The following CPNE3 variants were observed in gnomAD, a reference collection of about 807,000 sequenced individuals.
CPNE3 encodes the protein copine 3, also known as copine-3.
A neutral mutation model predicts 63.9 loss-of-function variants in CPNE3; 68 were observed. The ratio of observed to expected loss-of-function variants is 1.06; its 90% CI spans 0.87 to 1.30. CPNE3 has a LOEUF of 1.30. Ranked by LOEUF, CPNE3 falls within the 50% of genes most tolerant of loss-of-function variation. The pLI is 0.00. For missense variants in CPNE3, 665 were observed against 578.1 expected (o/e 1.15, Z -1.54); for synonymous variants, 219 against 197.5 (o/e 1.11, Z -0.91).
At position 86,561,007 on chromosome 8, in the gene CPNE3, C is replaced by G. The variant is rs190294843; in HGVS notation, c.*2597C>G. 6.6e-6 allele frequency: 1 copy of G among 152,294 alleles called. No individual in the cohort carries two copies. The highest frequency in any genetic ancestry group is 1.5e-5 in the Non-Finnish European group (1 of 68,034). The allele number at this position is 152,294 out of a possible 1,614,324, so 9.4% of individuals were successfully genotyped here. On this transcript the variant is annotated 3_prime_UTR_variant, in exon 17 of 17. Transcript: ENST00000517490. Reference sequence around the variant, plus strand: ...ATAATATACCAGCTAATCTAGTCACCTAACCTTGTGGTTAGAATTGCAATT... The same window carrying G: ...ATAATATACCAGCTAATCTAGTCACGTAACCTTGTGGTTAGAATTGCAATT...
intron 12 of CPNE3, among the ~76,000 whole-genome samples, chr8:86,550,558 T>G (rs1016102): frequency 6.6e-6 from 1 of 151,998 alleles, no homozygotes; most frequent in African/African-American, 2.4e-5. Context: ...TGGCTATTCA[T>G]GTGATGTTAT....
At chr8:86,522,995 T>C (rs1820468121) in intron 2 of CPNE3, among the ~76,000 whole-genome samples, 1 of 152,214 alleles carries the variant, frequency 6.6e-6, no homozygotes, top group Non-Finnish European at 1.5e-5. Context: ...AAAATCATTA[T>C]TGTTTCAAGA....
At chr8:86,537,467 C>A in intron 6 of CPNE3, 96 bp from the exon 7 acceptor site, 1 of 764,054 alleles carries the variant, frequency 1.3e-6, no homozygotes, top group Non-Finnish European at 2.4e-6. Flanking sequence ...TAGAGTTAGA[C>A]TTCAGGTGGT....
chr8:86,522,548 C>CTTTTTTTTTTT lies in CPNE3; in HGVS notation c.-10-5969_-10-5959dup, dbSNP rs36073581. ...CAGCCATATTACCTGACGCCCGCTG[C>CTTTTTTTTTTT]TTTTTTTTTTTTTTTTTTTTTTTTT... is the stretch of plus-strand genomic sequence containing the variant. On this transcript the variant is annotated intron_variant, in intron 2 of 16. Transcript: ENST00000517490. Among the ~76,000 whole-genome samples, 208 of 82,172 alleles carry CTTTTTTTTTTT rather than the reference C, an allele frequency of 2.5e-3. 22 individuals carry two copies. The highest frequency in any genetic ancestry group is 3.8e-3 in the Non-Finnish European group (178 of 46,550). 53.9% of individuals were successfully genotyped at this position (82,172 alleles called of 152,430 possible).
At chr8:86,539,856 G>C (rs887880520) in intron 7 of CPNE3, among the ~76,000 whole-genome samples, 3 of 151,674 alleles carry the variant, frequency 2.0e-5, no homozygotes, top group Non-Finnish European at 2.9e-5. Context: ...GTAGAGACAG[G>C]TTTTCACCAT....
intron 14 of CPNE3, among the ~76,000 whole-genome samples, chr8:86,552,744 A>G (rs996393827): frequency 6.6e-6 from 1 of 151,750 alleles, no homozygotes; most frequent in African/African-American, 2.4e-5. Context: ...ATAACTTGTT[A>G]CTTTGATGCA....
At chr8:86,516,770 ACT>A (rs1451032121) in intron 2 of CPNE3, among the ~76,000 whole-genome samples, 1 of 151,658 alleles carries the variant, frequency 6.6e-6, no homozygotes, top group East Asian at 1.9e-4. Flanking sequence ...TTTTTTTCTT[ACT>A]ATTGTTAGAG....
In CPNE3 at chr8:86,517,413, G is replaced by A. The variant is rs1253044670; in HGVS notation, c.-11+1914G>A. On this transcript the variant is annotated intron_variant, in intron 2 of 16. Coordinates refer to ENST00000517490, the MANE Select transcript of CPNE3 (RefSeq NM_003909.5). ...AACTGTGTGGTTTTCTGGACACATT[G>A]TTATCCGGCTATTTCACCTTCCCTG... is the stretch of plus-strand genomic sequence containing the variant. Among the ~76,000 whole-genome samples the A allele has an allele frequency of 5.2e-4, 79 of 152,296 alleles. 1 individual carries two copies. The highest frequency in any genetic ancestry group is 4.8e-3 in the Admixed American group (74 of 15,290).
At chr8:86,549,483 C>T (rs1821124572) in intron 12 of CPNE3, among the ~76,000 whole-genome samples, 1 of 152,074 alleles carries the variant, frequency 6.6e-6, no homozygotes, top group Non-Finnish European at 1.5e-5. Context: ...GAAATAGACC[C>T]ATGCATATAA....
At position 86,559,756 on chromosome 8, in the gene CPNE3, A is replaced by C. The variant is rs1208726299; in HGVS notation, c.*1346A>C. The stretch of plus-strand genomic sequence containing the variant: ...ATTTTATTGAGGGCCTATGTGCTAA[A>C]AACTATGCATATCTATATATTGGCC... On this transcript the variant is annotated 3_prime_UTR_variant, in exon 17 of 17. Coordinates refer to ENST00000517490, the MANE Select transcript of CPNE3 (RefSeq NM_003909.5). 1 of 152,228 alleles carries C rather than the reference A, an allele frequency of 6.6e-6. No individual in the cohort carries two copies. Among genetic ancestry groups the C allele is most frequent in the Non-Finnish European group, 1.5e-5 (1 of 68,036 alleles). The allele number at this position is 152,228 out of a possible 1,614,324, so 9.4% of individuals were successfully genotyped here. A position where few individuals can be genotyped will look rare whatever the true frequency, so the allele number is the denominator to read the frequency against.
At chr8:86,542,765 A>G (rs982920255) in intron 8 of CPNE3, among the ~76,000 whole-genome samples, 4 of 152,096 alleles carry the variant, frequency 2.6e-5, no homozygotes, top group Non-Finnish European at 5.9e-5. Flanking sequence ...TGCCAGCATT[A>G]TAAATATCAT....
Position 86,520,487 on chromosome 8 carries a change from G to A in CPNE3, c.-11+4988G>A, listed in dbSNP as rs558025020. On this transcript the variant is annotated intron_variant, in intron 2 of 16. Coordinates refer to ENST00000517490, the MANE Select transcript of CPNE3 (RefSeq NM_003909.5). ...GGAGAATCACTTGAACCCAGGAGGC[G>A]GAGGTTGCAAGTGAGCCAAGATCTC... Among the ~76,000 whole-genome samples, 11 of 151,644 alleles carry A rather than the reference G, an allele frequency of 7.3e-5. No homozygotes were observed. The East Asian group carries it at 8.0e-4, about 11-fold the overall frequency.
intron 14 of CPNE3, 51 bp downstream of exon 14, chr8:86,551,285 TTTG>T (rs1821172192): frequency 1.7e-6 from 2 of 1,202,698 alleles, no homozygotes; most frequent in Non-Finnish European, 2.5e-6. Context: ...CTCACTAGTC[TTTG>T]TTATTTTGTT....
Position 86,528,950 on chromosome 8 carries a change from G to A in CPNE3, c.138G>A (p.Glu46=). The A allele has an allele frequency of 3.7e-6, 6 of 1,612,146 alleles. No homozygotes were observed. Among genetic ancestry groups the A allele is most frequent in the Non-Finnish European group, 5.1e-6 (6 of 1,179,604 alleles). Residue 46 remains glutamate, a synonymous_variant, in exon 4 of 17, where the codon GAG becomes GAA. Transcript: ENST00000517490. Reference sequence around the variant, plus strand: ...GTTTTTGCGGATGGGTGTAGGTTGAGCGCACAGAAAGGATTAAGAATTGCT... The same window carrying A: ...GTTTTTGCGGATGGGTGTAGGTTGAACGCACAGAAAGGATTAAGAATTGCT... ...NTSGQQWYEV[E]RTERIKNCLN...
At chr8:86,552,511 A>G (rs953810972) in intron 14 of CPNE3, among the ~76,000 whole-genome samples, 1 of 152,206 alleles carries the variant, frequency 6.6e-6, no homozygotes, top group African/African-American at 2.4e-5. Flanking sequence ...ATATCATATG[A>G]TAATTCATTT....
rs1563701918 is a variant in CPNE3 at position 86,554,967 on chromosome 8, CA to C, written c.1239del (p.Gln413HisfsTer12). On this transcript the variant is annotated frameshift_variant, in exon 15 of 17. Coordinates refer to ENST00000517490, the MANE Select transcript of CPNE3 (RefSeq NM_003909.5). LOFTEE classifies it high-confidence loss of function. ...GGCCAGGTTTGCTGCTGCAGCCACG[CA>C]ACAGCAGACAGCTTCTGTAAGTGCT... ...HVARFAAAAT[Q>X]QQTASQYFVL... 1 of 1,614,110 alleles carries C rather than the reference CA, an allele frequency of 6.2e-7. No individual in the cohort carries two copies. Among genetic ancestry groups the C allele is most frequent in the Admixed American group, 1.7e-5 (1 of 60,020 alleles).
At chr8:86,520,066 T>G (rs1820400131) in intron 2 of CPNE3, among the ~76,000 whole-genome samples, 1 of 147,978 alleles carries the variant, frequency 6.8e-6, no homozygotes, top group Non-Finnish European at 1.5e-5. Flanking sequence ...ACTTTATCCT[T>G]TTTCTTCCAT....
intron 14 of CPNE3, chr8:86,554,139 G>A (rs1821259172): frequency 6.6e-6 from 1 of 152,238 alleles, no homozygotes; most frequent in African/African-American, 2.4e-5. Context: ...GGAAAAAACA[G>A]GCAGTAGTTC....
intron 8 of CPNE3, among the ~76,000 whole-genome samples, chr8:86,544,028 C>G (rs1430688982): frequency 1.3e-5 from 2 of 152,060 alleles, no homozygotes; most frequent in Non-Finnish European, 2.9e-5. Flanking sequence ...CTTCTCTCTC[C>G]TTTCAGAGAG....
Sources: gnomAD v4.1 joint callset for allele counts (sites outside exome capture counted in the v4.1 genomes callset) on GRCh38, gnomAD v4.1.1 for gene constraint, MANE v1.5 for transcripts, NCBI Gene and HGNC (gene_info 2026-07-23, HGNC 2026-07-21) for gene names.